The following NOTCH2NLR variants were observed in gnomAD, a reference collection of about 807,000 sequenced individuals.
NOTCH2NLR encodes the protein notch 2 N-terminal like R (pseudogene).
A neutral mutation model predicts 35.6 loss-of-function variants in NOTCH2NLR; 33 were observed. The ratio of observed to expected loss-of-function variants is 0.93; its 90% CI spans 0.70 to 1.24. The LOEUF is 1.24. NOTCH2NLR is among the 50% of genes most tolerant of loss of function. The pLI is 0.00. For missense variants in NOTCH2NLR, 276 were observed against 362.2 expected, an observed-to-expected ratio of 0.76 and a Z score of 1.93; for synonymous variants, 103 against 141.0, an observed-to-expected ratio of 0.73 and a Z score of 1.91.
exon 1 of NOTCH2NLR, chr1:120,724,140 C>G: frequency 7.3e-7 from 1 of 1,364,062 alleles, no homozygotes; most frequent in South Asian, 1.4e-5. Flanking sequence ...GCGGCGGCGG[C>G]GGCGGCGGCG....
Position 120,724,783 on chromosome 1 carries a change from C to T in NOTCH2NLR, c.73+533C>T, listed in dbSNP as rs1251801566. 5.6e-5 allele frequency among the ~76,000 whole-genome samples: 6 copies of T among 107,210 alleles called. 3 individuals carry two copies. The highest frequency in any genetic ancestry group is 1.1e-4 in the Non-Finnish European group (6 of 54,922). The allele number at this position is 107,210 out of a possible 152,430, so 70.3% of individuals were successfully genotyped here. On this transcript the variant is annotated intron_variant, in intron 1 of 4. Transcript: ENST00000624419. The stretch of plus-strand genomic sequence containing the variant: ...TGGTTTGGATGGGGACGGGGTTTTG[C>T]GGCGCGCCTGAGTTTTGACACTCCA...
At chr1:120,750,497 G>A (rs1174950420) in intron 1 of NOTCH2NLR, among the ~76,000 whole-genome samples, 3 of 107,090 alleles carry the variant, frequency 2.8e-5, no homozygotes, top group Non-Finnish European at 5.2e-5. Flanking sequence ...ATATTCTGTG[G>A]AGTACTATCA....
At position 120,764,297 on chromosome 1, in the gene NOTCH2NLR, G is replaced by GT. The variant is rs2101411004; in HGVS notation, c.155+593dup. Among the ~76,000 whole-genome samples the GT allele has an allele frequency of 2.8e-5, 3 of 105,938 alleles. 1 individual carries two copies. Among genetic ancestry groups the GT allele is most frequent in the African/African-American group, 1.7e-4 (3 of 17,174 alleles). The allele number at this position is 105,938 out of a possible 152,430, so 69.5% of individuals were successfully genotyped here. On this transcript the variant is annotated intron_variant, in intron 2 of 4. Coordinates refer to ENST00000624419, the Ensembl canonical transcript of NOTCH2NLR. ...AAAAATATATATTAGATTCCCTTGT[G>GT]TTTTTCAGATTAAGGCATACTCTTA...
At position 120,783,740 on chromosome 1, in the gene NOTCH2NLR, G is replaced by A. The variant is rs1213461368; in HGVS notation, c.156-1234G>A. 2.6e-5 allele frequency among the ~76,000 whole-genome samples: 3 copies of A among 117,518 alleles called. 1 individual carries two copies. The highest frequency in any genetic ancestry group is 1.0e-4 in the African/African-American group (2 of 20,100). The allele number at this position is 117,518 out of a possible 152,430, so 77.1% of individuals were successfully genotyped here. ...AGAGCAGTGCAGTCCAGACTTAAAC[G>A]TTAGGGTGGCCATAATATATGGGGA... On this transcript the variant is annotated intron_variant, in intron 2 of 4. Transcript: ENST00000624419.
rs1170545391 is a variant in NOTCH2NLR at position 120,756,454 on chromosome 1, G to A, written c.74-7174G>A. On this transcript the variant is annotated intron_variant, in intron 1 of 4. Transcript: ENST00000624419. ...CAGTCAAGACGTTAAAATACCTTCC[G>A]ATTGAGCAGTGGGTCTAAGCACAGA... Among the ~76,000 whole-genome samples, 64 of 117,710 alleles carry A rather than the reference G, an allele frequency of 5.4e-4. 20 individuals carry two copies. The highest frequency in any genetic ancestry group is 2.7e-3 in the African/African-American group (54 of 20,292). 77.2% of individuals were successfully genotyped at this position (117,710 alleles called of 152,430 possible). A position where few individuals can be genotyped will look rare whatever the true frequency, so the allele number is the denominator to read the frequency against.
intron 1 of NOTCH2NLR, among the ~76,000 whole-genome samples, chr1:120,750,506 C>A (rs1484206709): frequency 9.4e-6 from 1 of 106,922 alleles, no homozygotes; most frequent in East Asian, 2.2e-4. Flanking sequence ...GGAGTACTAT[C>A]AGATGCCTTG....
intron 3 of NOTCH2NLR, among the ~76,000 whole-genome samples, 186 bp from the exon 4 acceptor site, chr1:120,792,975 C>T (rs1210444256): frequency 1.2e-5 from 1 of 85,054 alleles, no homozygotes; most frequent in Admixed American, 1.1e-4. Context: ...TGCTGAGGTC[C>T]TTGGAGAGTT....
chr1:120,784,607 CTT>C (rs1183087287), intron 2 of NOTCH2NLR, among the ~76,000 whole-genome samples: 1 of 118,378 alleles, frequency 8.4e-6, no homozygotes, highest in Admixed American at 8.0e-5. Context: ...AGATACTTCT[CTT>C]TGCTCACCCC....
At chr1:120,763,510 A>G in intron 1 of NOTCH2NLR, 118 bp from the exon 2 acceptor site, 3 of 480,312 alleles carry the variant, frequency 6.2e-6, no homozygotes, top group Non-Finnish European at 1.1e-5. Context: ...TTAAAACTCT[A>G]AAAAGAAACC....
At chr1:120,728,052 C>G (rs1650834928) in intron 1 of NOTCH2NLR, among the ~76,000 whole-genome samples, 1 of 118,670 alleles carries the variant, frequency 8.4e-6, no homozygotes, top group Non-Finnish European at 1.6e-5. Context: ...GAATTCCTTT[C>G]TTCTGGTGTC....
Position 120,728,613 on chromosome 1 carries a change from T to C in NOTCH2NLR, c.73+4363T>C, listed in dbSNP as rs1262582729. On this transcript the variant is annotated intron_variant, in intron 1 of 4. Coordinates refer to ENST00000624419, the Ensembl canonical transcript of NOTCH2NLR. Reference sequence around the variant, plus strand: ...GTATTACTAGGCCAGCAATTTCTGTTATTTTGTCCAGAATAGCCACACCTT... The same window carrying C: ...GTATTACTAGGCCAGCAATTTCTGTCATTTTGTCCAGAATAGCCACACCTT... Among the ~76,000 whole-genome samples, 5 of 117,822 alleles carry C rather than the reference T, an allele frequency of 4.2e-5. 1 individual carries two copies. The East Asian group carries it at 1.0e-3, about 25-fold the overall frequency. The allele number at this position is 117,822 out of a possible 152,430, so 77.3% of individuals were successfully genotyped here.
intron 2 of NOTCH2NLR, among the ~76,000 whole-genome samples, chr1:120,778,266 C>A (rs1247479659): frequency 5.8e-5 from 3 of 52,016 alleles, no homozygotes; most frequent in Non-Finnish European, 9.5e-5. Context: ...CAGCTCCCCC[C>A]TCTAGAGCTC....
rs1651459788 is a variant in NOTCH2NLR at position 120,789,500 on chromosome 1, C to T, written c.416-3661C>T. Among the ~76,000 whole-genome samples the T allele has an allele frequency of 1.8e-5, 2 of 113,702 alleles. 1 individual carries two copies. The highest frequency in any genetic ancestry group is 1.1e-4 in the African/African-American group (2 of 18,720). 74.6% of individuals were successfully genotyped at this position (113,702 alleles called of 152,430 possible). A position where few individuals can be genotyped will look rare whatever the true frequency, so the allele number is the denominator to read the frequency against. On this transcript the variant is annotated intron_variant, in intron 3 of 4. Coordinates refer to ENST00000624419, the Ensembl canonical transcript of NOTCH2NLR. ...AGAGAAAATTAGGAAGAAGCAAAAG[C>T]AGAACCCCTGAGGAACCCATCAGAT...
intron 1 of NOTCH2NLR, among the ~76,000 whole-genome samples, chr1:120,728,807 ATTTGCT>A (rs1406337415): frequency 8.9e-6 from 1 of 111,742 alleles, no homozygotes. Flanking sequence ...AGTAAAGTAT[ATTTGCT>A]TTTTTTTTTT....
rs1261288575 is a variant in NOTCH2NLR, at chr1:120,791,548, CA to C, written c.416-1607del. Among the ~76,000 whole-genome samples, 4 of 64,796 alleles carry C rather than the reference CA, an allele frequency of 6.2e-5. 1 individual carries two copies. The highest frequency in any genetic ancestry group is 3.0e-4 in the African/African-American group (2 of 6,704). 42.5% of individuals were successfully genotyped at this position (64,796 alleles called of 152,430 possible). A position where few individuals can be genotyped will look rare whatever the true frequency, so the allele number is the denominator to read the frequency against. On this transcript the variant is annotated intron_variant, in intron 3 of 4. Coordinates refer to ENST00000624419, the Ensembl canonical transcript of NOTCH2NLR. ...CATTCTCAGCAAACTATTGCAAGGACAAAAAACCAAACACCGCATGTTCTCA... is the reference window on the plus strand; with the variant it reads ...CATTCTCAGCAAACTATTGCAAGGACAAAAACCAAACACCGCATGTTCTCA...
intron 3 of NOTCH2NLR, 134 bp downstream of exon 3, chr1:120,785,367 G>A: frequency 3.3e-6 from 2 of 598,086 alleles, no homozygotes; most frequent in Non-Finnish European, 5.5e-6. Flanking sequence ...ATAAGGAACT[G>A]GGATGTTCCA....
chr1:120,791,810 A>T (rs1222708876), intron 3 of NOTCH2NLR, among the ~76,000 whole-genome samples: 2 of 80,364 alleles, frequency 2.5e-5, no homozygotes, highest in Non-Finnish European at 4.3e-5. Flanking sequence ...AATAATAGTA[A>T]TAAAAATTCA....
At position 120,790,240 on chromosome 1, in the gene NOTCH2NLR, G is replaced by A. The variant is rs1322768946; in HGVS notation, c.416-2921G>A. ...CTTGTTAGCCAGAATGGTCTGGATC[G>A]CCTGACCTCATGATCCACCCGCCTC... is the stretch of plus-strand genomic sequence containing the variant. On this transcript the variant is annotated intron_variant, in intron 3 of 4. Transcript: ENST00000624419. Among the ~76,000 whole-genome samples the A allele has an allele frequency of 8.4e-4, 89 of 106,164 alleles. 19 individuals are homozygous for A. The highest frequency in any genetic ancestry group is 1.1e-3 in the Non-Finnish European group (64 of 57,078). 69.6% of individuals were successfully genotyped at this position (106,164 alleles called of 152,430 possible).
intron 2 of NOTCH2NLR, among the ~76,000 whole-genome samples, chr1:120,764,592 A>AT (rs1301893818): frequency 0.011 from 1,170 of 107,434 alleles, 63 homozygotes; most frequent in East Asian, 0.1. Flanking sequence ...GCTTAAGAGC[A>AT]TTTTTTTTTT....
Sources: allele counts gnomAD v4.1 joint callset (sites outside exome capture counted in the v4.1 genomes callset), GRCh38; gene constraint gnomAD v4.1.1; transcripts MANE v1.5; gene names NCBI Gene and HGNC (gene_info 2026-07-23, HGNC 2026-07-21).